The following PGPEP1 variants were observed in gnomAD, a reference collection of about 807,000 sequenced individuals.
PGPEP1 encodes the protein pyroglutamyl-peptidase 1.
A neutral mutation model predicts 24.1 loss-of-function variants in PGPEP1; 15 were observed. The observed-to-expected ratio is 0.62, with a 90% CI of 0.42 to 0.96. The LOEUF is 0.96. PGPEP1 is among the 40% of genes least tolerant of loss of function. PGPEP1 has a pLI of 0.00. For missense variants in PGPEP1, 242 were observed against 273.4 expected (o/e 0.89, Z 0.81); for synonymous variants, 122 against 116.4 (o/e 1.05, Z -0.31).
At chr19:18,344,781 G>A (rs563593196) in intron 2 of PGPEP1, among the ~76,000 whole-genome samples, 4 of 152,192 alleles carry the variant, frequency 2.6e-5, no homozygotes, top group African/African-American at 7.2e-5. Flanking sequence ...GAGCCTTCAC[G>A]GGGCTGAGTG....
chr19:18,363,652 T>C lies in PGPEP1; in HGVS notation c.*69T>C, dbSNP rs1600227877. The C allele has an allele frequency of 8.2e-6, 10 of 1,224,048 alleles. No homozygotes were observed. Among genetic ancestry groups the C allele is most frequent in the Middle Eastern group, 2.2e-4 (1 of 4,588 alleles). 75.8% of individuals were successfully genotyped at this position (1,224,048 alleles called of 1,614,324 possible). On this transcript the variant is annotated 3_prime_UTR_variant, in exon 5 of 5. Transcript: ENST00000269919. The stretch of plus-strand genomic sequence containing the variant: ...ACGAGGGGACATCCACCCTCTGGGG[T>C]GTGGCCAGGAAAAGACAAGCTCTTC...
At chr19:18,345,803 G>T (rs919942477) in intron 2 of PGPEP1, among the ~76,000 whole-genome samples, 12 of 151,684 alleles carry the variant, frequency 7.9e-5, no homozygotes, top group Non-Finnish European at 1.3e-4. Context: ...GCTTTGGAAG[G>T]CTGAGGCGGG....
chr19:18,363,641 A>G lies in PGPEP1; in HGVS notation c.*58A>G. 4.4e-6 allele frequency: 6 copies of G among 1,354,132 alleles called. No individual in the cohort carries two copies. The highest frequency in any genetic ancestry group is 6.2e-6 in the Non-Finnish European group (6 of 969,462). 83.9% of individuals were successfully genotyped at this position (1,354,132 alleles called of 1,614,324 possible). A position where few individuals can be genotyped will look rare whatever the true frequency, so the allele number is the denominator to read the frequency against. ...CTGGGGACCCCACGAGGGGACATCC[A>G]CCCTCTGGGGTGTGGCCAGGAAAAG... On this transcript the variant is annotated 3_prime_UTR_variant, in exon 5 of 5. Transcript: ENST00000269919.
chr19:18,354,570 C>A (rs888538607), intron 2 of PGPEP1, among the ~76,000 whole-genome samples: 1 of 151,838 alleles, frequency 6.6e-6, no homozygotes, highest in Non-Finnish European at 1.5e-5. Context: ...CAGGCTGGAG[C>A]GCAGTGGCAC....
intron 4 of PGPEP1, among the ~76,000 whole-genome samples, 190 bp from the exon 5 acceptor site, chr19:18,363,199 GCA>G (rs1971398312): frequency 6.6e-6 from 1 of 151,978 alleles, no homozygotes; most frequent in African/African-American, 2.4e-5. Flanking sequence ...GGGACTACAG[GCA>G]CGTGCCACCA....
intron 4 of PGPEP1, among the ~76,000 whole-genome samples, chr19:18,358,566 A>G (rs920680133): frequency 6.7e-6 from 1 of 150,024 alleles, no homozygotes; most frequent in African/African-American, 2.5e-5. Context: ...AGCCGACCTC[A>G]TCTTAATTTA....
chr19:18,352,815 C>T (rs1425524677), intron 2 of PGPEP1, among the ~76,000 whole-genome samples: 1 of 152,150 alleles, frequency 6.6e-6, no homozygotes, highest in African/African-American at 2.4e-5. Flanking sequence ...CTCGGCCTCC[C>T]AAAGTGCTGA....
At position 18,342,920 on chromosome 19, in the gene PGPEP1, G is replaced by T; in HGVS notation, c.87+9G>T. 6.2e-6 allele frequency: 10 copies of T among 1,609,444 alleles called. No individual in the cohort carries two copies. The highest frequency in any genetic ancestry group is 8.5e-6 in the Non-Finnish European group (10 of 1,175,774). ...GTTGGATTGCAGTTCAGGTAACTTA[G>T]ATCCGGAGGGTGGGAGTCAGGCTTG... On this transcript the variant is annotated intron_variant, in intron 2 of 4. Coordinates refer to ENST00000269919, the MANE Select transcript of PGPEP1 (RefSeq NM_017712.4).
chr19:18,352,807 C>T (rs537446757), intron 2 of PGPEP1, among the ~76,000 whole-genome samples: 3 of 152,244 alleles, frequency 2.0e-5, no homozygotes, highest in East Asian at 1.9e-4. Flanking sequence ...CCTCCCGCCT[C>T]GGCCTCCCAA....
chr19:18,352,988 G>T (rs1971081642), intron 2 of PGPEP1, among the ~76,000 whole-genome samples: 1 of 151,178 alleles, frequency 6.6e-6, no homozygotes, highest in Admixed American at 6.6e-5. Flanking sequence ...CACAATCTCG[G>T]CTCACTGCAA....
rs1971623521 is a variant in PGPEP1 at position 18,368,711 on chromosome 19, T to G, written c.*5128T>G. The G allele has an allele frequency of 6.5e-6, 1 of 152,900 alleles. No individual in the cohort carries two copies. The highest frequency in any genetic ancestry group is 2.4e-5 in the African/African-American group (1 of 41,458). 9.5% of individuals were successfully genotyped at this position (152,900 alleles called of 1,614,324 possible). ...GCTGGCCCCCTTTTGGCTGCCACTG[T>G]CTAGACTGTTGGCCTTTGACCTCTC... On this transcript the variant is annotated 3_prime_UTR_variant, in exon 5 of 5. Transcript: ENST00000269919.
Position 18,368,023 on chromosome 19 carries a change from CTTGGGAGGCTGAG to C in PGPEP1, c.*4451_*4463del, listed in dbSNP as rs1328507975. 2.0e-5 allele frequency: 3 copies of C among 151,720 alleles called. No homozygotes were observed. The highest frequency in any genetic ancestry group is 2.9e-5 in the Non-Finnish European group (2 of 68,022). The allele number at this position is 151,720 out of a possible 1,614,324, so 9.4% of individuals were successfully genotyped here. A position where few individuals can be genotyped will look rare whatever the true frequency, so the allele number is the denominator to read the frequency against. Reference sequence around the variant, plus strand: ...TGTCAAGCACCTGTAGTCCCAGCTACTTGGGAGGCTGAGTTGGGAGGCTTATCTGAGCCCAGGA... The same window carrying C: ...TGTCAAGCACCTGTAGTCCCAGCTACTTGGGAGGCTTATCTGAGCCCAGGA... On this transcript the variant is annotated 3_prime_UTR_variant, in exon 5 of 5. Transcript: ENST00000269919.
In PGPEP1 at chr19:18,357,411, T is replaced by C. The variant is rs1028395367; in HGVS notation, c.233T>C (p.Met78Thr). Residue 78 changes from methionine to threonine, a missense_variant, in exon 4 of 5, where the codon ATG becomes ACG. Transcript: ENST00000269919. Reference protein sequence around the residue: ...QLVVHVGVSGMATTVTLEKCG... With the variant: ...QLVVHVGVSGTATTVTLEKCG... The stretch of plus-strand genomic sequence containing the variant: ...GTGGTGCATGTGGGGGTGTCAGGCA[T>C]GGCGACCACAGTCACACTGGAGAAA... The C allele has an allele frequency of 6.2e-7, 1 of 1,613,896 alleles. No homozygotes were observed. The highest frequency in any genetic ancestry group is 1.1e-5 in the South Asian group (1 of 91,056).
intron 2 of PGPEP1, among the ~76,000 whole-genome samples, chr19:18,355,375 C>A (rs1314972950): frequency 6.6e-6 from 1 of 152,126 alleles, no homozygotes; most frequent in Non-Finnish European, 1.5e-5. Context: ...ATTCTCCTGC[C>A]TCAGCCTCCT....
chr19:18,362,817 A>T (rs1020557028), intron 4 of PGPEP1, among the ~76,000 whole-genome samples: 1 of 151,114 alleles, frequency 6.6e-6, no homozygotes, highest in African/African-American at 2.4e-5. Context: ...GCTGGAGGCC[A>T]GGTTGCACTC....
At chr19:18,345,102 G>A (rs1970793838) in intron 2 of PGPEP1, among the ~76,000 whole-genome samples, 1 of 152,014 alleles carries the variant, frequency 6.6e-6, no homozygotes, top group Admixed American at 6.6e-5. Context: ...CTGGGTTCAA[G>A]CGATTCTCCT....
chr19:18,347,270 C>CTTTTTT (rs59936417), intron 2 of PGPEP1, among the ~76,000 whole-genome samples: 35,687 of 94,410 alleles, frequency 0.38, 7,387 homozygotes, highest in South Asian at 0.55. Context: ...TTCTTTCTTT[C>CTTTTTT]TTTTTTTTTT....
At chr19:18,354,877 A>C (rs1304012195) in intron 2 of PGPEP1, among the ~76,000 whole-genome samples, 2 of 152,066 alleles carry the variant, frequency 1.3e-5, no homozygotes, top group Non-Finnish European at 2.9e-5. Flanking sequence ...TGAACACTTA[A>C]AATATGCCAG....
At chr19:18,347,270 C>CTTTTTTTTTTTTTTTTTTT (rs59936417) in intron 2 of PGPEP1, among the ~76,000 whole-genome samples, 37 of 94,420 alleles carry the variant, frequency 3.9e-4, no homozygotes, top group Non-Finnish European at 5.5e-4. Context: ...TTCTTTCTTT[C>CTTTTTTTTTTTTTTTTTTT]TTTTTTTTTT....
Sources: gnomAD v4.1 joint callset for allele counts (sites outside exome capture counted in the v4.1 genomes callset) on GRCh38, gnomAD v4.1.1 for gene constraint, MANE v1.5 for transcripts, NCBI Gene and HGNC (gene_info 2026-07-23, HGNC 2026-07-21) for gene names.